The following ZNF254 variants were observed in gnomAD, a reference collection of about 807,000 sequenced individuals.
ZNF254 encodes zinc finger protein 254.
In ZNF254, 10 loss-of-function variants were observed where a neutral mutation model predicts 12.4. That is an observed-to-expected ratio of 0.80 (90% CI 0.50 to 1.36). ZNF254 has a LOEUF of 1.36. Among genes scored for constraint, ZNF254 ranks in the 40% most tolerant of loss-of-function variants. The pLI, the probability that ZNF254 is intolerant of heterozygous loss-of-function variation, is 0.00. For missense variants in ZNF254, 996 were observed against 763.9 expected (o/e 1.30, Z -3.58); for synonymous variants, 305 against 253.4 (o/e 1.20, Z -1.93).
intron 3 of ZNF254, among the ~76,000 whole-genome samples, chr19:24,119,907 G>A (rs1229490041): frequency 2.6e-5 from 4 of 151,832 alleles, no homozygotes; most frequent in Admixed American, 2.6e-4. Context: ...TATTTTAATT[G>A]TGTAGTGACA....
chr19:24,094,111 A>G, intron 1 of ZNF254, among the ~76,000 whole-genome samples: 1 of 152,132 alleles, frequency 6.6e-6, no homozygotes, highest in South Asian at 2.1e-4. Context: ...ATTTTTGTAC[A>G]CTTACTTTGT....
At chr19:24,125,733 T>C (rs1974789815) in intron 3 of ZNF254, among the ~76,000 whole-genome samples, 1 of 152,230 alleles carries the variant, frequency 6.6e-6, no homozygotes, top group African/African-American at 2.4e-5. Context: ...GCAGTCTCTC[T>C]GCTGCTGTAA....
At chr19:24,114,994 A>T (rs1466377355) in intron 3 of ZNF254, among the ~76,000 whole-genome samples, 1 of 152,296 alleles carries the variant, frequency 6.6e-6, no homozygotes, top group Non-Finnish European at 1.5e-5. Context: ...CACACCAGTT[A>T]GAATGGCAAT....
rs138083101 is a variant in ZNF254 at position 24,058,242 on chromosome 19, C to T, written c.-94+11963C>T. On this transcript the variant is annotated intron_variant, in intron 2 of 4. Coordinates refer to the ZNF254 transcript ENST00000613065. ...TGTGTAGAACCCAAGTGAGTTTTCT[C>T]TCCTGTTTGGATTTAACCCACAGAT... Among the ~76,000 whole-genome samples the T allele has an allele frequency of 2.0e-3, 308 of 152,168 alleles. 1 individual carries two copies. The highest frequency in any genetic ancestry group is 7.2e-3 in the African/African-American group (298 of 41,500).
rs532478668 is a variant in ZNF254 at position 24,072,203 on chromosome 19, G to T, written c.-94+25924G>T. ...TTTTTTTCTTCTGAGATGTAGTCTC[G>T]CTCTGTCACCCAGGCTGGAGTGCAG... On this transcript the variant is annotated intron_variant, in intron 2 of 4. Transcript: ENST00000613065. 2.6e-4 allele frequency among the ~76,000 whole-genome samples: 39 copies of T among 148,460 alleles called. 2 individuals carry two copies. In the South Asian group the frequency reaches 8.3e-3, roughly 32 times the overall value.
chr19:24,087,217 A>G lies in ZNF254; in HGVS notation c.-91A>G. 2 of 1,568,490 alleles carry G rather than the reference A, an allele frequency of 1.3e-6. No homozygotes were observed. Among genetic ancestry groups the G allele is most frequent in the Non-Finnish European group, 1.8e-6 (2 of 1,141,410 alleles). The stretch of plus-strand genomic sequence containing the variant: ...TGTCTCTCGCTGTCGCCGGAGTCCC[A>G]GGTCTGTCTTCACTGCTCTGTGTCC... On this transcript the variant is annotated 5_prime_UTR_variant, in exon 1 of 4. Coordinates refer to ENST00000357002, the MANE Select transcript of ZNF254 (RefSeq NM_203282.4).
chr19:24,052,817 T>A (rs976808166), intron 2 of ZNF254, among the ~76,000 whole-genome samples: 1 of 152,172 alleles, frequency 6.6e-6, no homozygotes, highest in Non-Finnish European at 1.5e-5. Flanking sequence ...TCCAAACTTA[T>A]AGGGGCAATA....
intron 1 of ZNF254, chr19:24,105,269 G>C (rs1036622869): frequency 6.0e-6 from 1 of 165,370 alleles, no homozygotes; most frequent in Non-Finnish European, 1.3e-5. Flanking sequence ...TTTGTTTTTT[G>C]TCTTTTTCTT....
At chr19:24,098,502 A>T (rs1366823872) in intron 1 of ZNF254, 1 of 152,256 alleles carries the variant, frequency 6.6e-6, no homozygotes. Context: ...CGCAGCAGAG[A>T]TGAATAAAAA....
chr19:24,062,804 AATTT>A (rs143654944), intron 2 of ZNF254, among the ~76,000 whole-genome samples: 1,654 of 152,112 alleles, frequency 0.011, 40 homozygotes, highest in African/African-American at 0.037. Flanking sequence ...TAAGGAGCAT[AATTT>A]ATTTATTTTG....
intron 2 of ZNF254, among the ~76,000 whole-genome samples, chr19:24,057,649 A>G (rs898681272): frequency 2.0e-5 from 3 of 152,218 alleles, no homozygotes; most frequent in Non-Finnish European, 4.4e-5. Flanking sequence ...TCTGAATCTC[A>G]TATCCAGAGA....
intron 3 of ZNF254, among the ~76,000 whole-genome samples, chr19:24,112,038 GAATGGT>G (rs1258681450): frequency 6.8e-6 from 1 of 147,134 alleles, no homozygotes; most frequent in African/African-American, 2.5e-5. Context: ...CCTATGTCCG[GAATGGT>G]AATGCCTAGG....
chr19:24,051,619 C>T (rs912290054), intron 2 of ZNF254, among the ~76,000 whole-genome samples: 5 of 152,190 alleles, frequency 3.3e-5, no homozygotes, highest in Admixed American at 1.3e-4. Context: ...TCCTCTCCAG[C>T]CTGGGACCTG....
chr19:24,050,085 C>G (rs1165231767), intron 2 of ZNF254, among the ~76,000 whole-genome samples: 2 of 151,932 alleles, frequency 1.3e-5, no homozygotes, highest in Non-Finnish European at 2.9e-5. Context: ...TGCCTGGACC[C>G]TGCCTACAAG....
At chr19:24,105,655 C>T (rs1272429245) in intron 1 of ZNF254, 6 of 292,332 alleles carry the variant, frequency 2.1e-5, no homozygotes, top group East Asian at 2.2e-4. Flanking sequence ...ATTATGTAAA[C>T]GTAGCACTCA....
rs978116795 is a variant in ZNF254 at position 24,128,052 on chromosome 19, A to G, written c.*72A>G. 9.1e-6 allele frequency: 13 copies of G among 1,421,692 alleles called. No individual in the cohort carries two copies. Among genetic ancestry groups the G allele is most frequent in the African/African-American group, 7.1e-5 (5 of 69,938 alleles). The allele number at this position is 1,421,692 out of a possible 1,614,324, so 88.1% of individuals were successfully genotyped here. On this transcript the variant is annotated 3_prime_UTR_variant, in exon 4 of 4. Coordinates refer to ENST00000357002, the MANE Select transcript of ZNF254 (RefSeq NM_203282.4). Reference sequence around the variant, plus strand: ...AGATTATTCCTACTGGAGAGAAACTACAAACCTGAGAGAGGCGCTAATGCT... The same window carrying G: ...AGATTATTCCTACTGGAGAGAAACTGCAAACCTGAGAGAGGCGCTAATGCT...
intron 3 of ZNF254, among the ~76,000 whole-genome samples, chr19:24,118,541 A>G (rs915876331): frequency 3.9e-5 from 6 of 151,936 alleles, no homozygotes; most frequent in African/African-American, 1.2e-4. Flanking sequence ...TTATTTTCCT[A>G]TTTGTAAATA....
chr19:24,045,485 T>C (rs760862993), intron 1 of ZNF254, among the ~76,000 whole-genome samples: 11 of 151,778 alleles, frequency 7.2e-5, no homozygotes, highest in Non-Finnish European at 1.0e-4. Flanking sequence ...CTGGCTAACA[T>C]GGTGAAACCC....
chr19:24,117,694 G>A (rs553937523), intron 3 of ZNF254, among the ~76,000 whole-genome samples: 5 of 151,920 alleles, frequency 3.3e-5, no homozygotes, highest in Admixed American at 3.3e-4. Flanking sequence ...ACGCTTTGCT[G>A]CCCCCACTGT....
Sources: gnomAD v4.1 joint callset for allele counts (sites outside exome capture counted in the v4.1 genomes callset) on GRCh38, gnomAD v4.1.1 for gene constraint, MANE v1.5 for transcripts, NCBI Gene and HGNC (gene_info 2026-07-23, HGNC 2026-07-21) for gene names.